Variants in NFIC observed in about 807,000 individuals in gnomAD.
NFIC encodes the protein nuclear factor 1 C-type.
A neutral mutation model predicts 54.4 loss-of-function variants in NFIC; 12 were observed. The ratio of observed to expected loss-of-function variants is 0.22; its 90% CI spans 0.14 to 0.36. The LOEUF (loss-of-function observed/expected upper bound fraction) is 0.36, where lower values mean the gene tolerates loss of function less well. Ranked by LOEUF, NFIC falls within the 10% of genes least tolerant of loss-of-function variation. NFIC has a pLI of 1.00. For missense variants in NFIC, 575 were observed against 718.2 expected (o/e 0.80, Z 2.28); for synonymous variants, 322 against 319.2 (o/e 1.01, Z -0.09).
intron 10 of NFIC, among the ~76,000 whole-genome samples, chr19:3,461,018 G>A (rs934526000): frequency 1.1e-4 from 16 of 151,996 alleles, no homozygotes; most frequent in African/African-American, 3.4e-4. Context: ...CTAGCTACTC[G>A]GGAGGCTGAG....
chr19:3,381,826 A>C lies in NFIC; in HGVS notation c.145A>C (p.Met49Leu), dbSNP rs139273924. The change falls in exon 2 of 11, where the codon ATG (methionine) becomes CTG (leucine). Residue 49 changes from methionine (M) to leucine (L), a missense_variant. Physicochemically the swap from Met to Leu is conservative, Grantham distance 15 (BLOSUM62 2). Coordinates refer to ENST00000443272, the MANE Select transcript of NFIC (RefSeq NM_001245002.2). ...GTACTTCAAGAAGCACGAGAAGCGGATGTCGAAGGACGAGGAGCGTGCGGT... is the reference window on the plus strand; with the variant it reads ...GTACTTCAAGAAGCACGAGAAGCGGCTGTCGAAGGACGAGGAGCGTGCGGT... ...RKYFKKHEKR[M>L]SKDEERAVKD... The C allele has an allele frequency of 3.1e-6, 5 of 1,613,914 alleles. No homozygotes were observed. Among genetic ancestry groups the C allele is most frequent in the East Asian group, 2.2e-5 (1 of 44,888 alleles).
rs1407094308 is a variant in NFIC at position 3,385,565 on chromosome 19, T to TTGC, written c.562+3324_562+3325insCTG. ...TTGGGTTTTTTGGGGGTTTTTTTGG[T>TTGC]TGTTGTTGTTTTTTTTTTTTTTTTT... On this transcript the variant is annotated intron_variant, in intron 2 of 10. Transcript: ENST00000443272. Among the ~76,000 whole-genome samples the TTGC allele has an allele frequency of 2.3e-3, 307 of 135,690 alleles. 12 individuals are homozygous for TTGC. The East Asian group carries it at 0.053, about 24-fold the overall frequency. 89.0% of individuals were successfully genotyped at this position (135,690 alleles called of 152,430 possible). A position where few individuals can be genotyped will look rare whatever the true frequency, so the allele number is the denominator to read the frequency against.
chr19:3,462,455 T>C (rs1200186818), intron 10 of NFIC, among the ~76,000 whole-genome samples: 3 of 152,200 alleles, frequency 2.0e-5, no homozygotes, highest in African/African-American at 7.2e-5. Flanking sequence ...GGTGTGTAAG[T>C]ATATCCCCAA....
At chr19:3,437,367 C>T (rs1049252439) in intron 6 of NFIC, among the ~76,000 whole-genome samples, 4 of 132,592 alleles carry the variant, frequency 3.0e-5, no homozygotes, top group African/African-American at 1.1e-4. Flanking sequence ...GACTCCGTCT[C>T]AAAAAAAAAA....
intron 9 of NFIC, 69 bp from the exon 10 acceptor site, chr19:3,456,481 T>C (rs1002612344): frequency 1.3e-6 from 2 of 1,484,360 alleles, no homozygotes; most frequent in Middle Eastern, 1.8e-4. Context: ...CCACCCTCTC[T>C]GGGGCCAGGG....
At chr19:3,417,107 G>A (rs181746344) in intron 2 of NFIC, among the ~76,000 whole-genome samples, 5,077 of 149,774 alleles carry the variant, frequency 0.034, 280 homozygotes, top group African/African-American at 0.12. Context: ...GGATGGTCTC[G>A]ATCTCCTGAC....
At chr19:3,429,678 GC>G (rs1158637095) in intron 3 of NFIC, among the ~76,000 whole-genome samples, 1 of 152,116 alleles carries the variant, frequency 6.6e-6, no homozygotes, top group Non-Finnish European at 1.5e-5. Flanking sequence ...AGTCCGTGCT[GC>G]CCCCTGGGGG....
chr19:3,380,756 C>T (rs947572783), intron 1 of NFIC, among the ~76,000 whole-genome samples: 31 of 151,836 alleles, frequency 2.0e-4, no homozygotes, highest in African/African-American at 7.5e-4. Context: ...CCCAGCCTCC[C>T]AACTAGCTGG....
rs911196302 is a variant in NFIC, at chr19:3,369,592, G to A, written c.30+2926G>A. Reference sequence around the variant, plus strand: ...CGCCGAGTGGGGAGTGGGTGCTGGCGGCCCTGGGGCATTCTGGGAGCCCCG... The same window carrying A: ...CGCCGAGTGGGGAGTGGGTGCTGGCAGCCCTGGGGCATTCTGGGAGCCCCG... On this transcript the variant is annotated intron_variant, in intron 1 of 10. Transcript: ENST00000443272. The surrounding 1 kb of genome is among the most constrained non-coding windows in gnomAD (Gnocchi z 4.3). Among the ~76,000 whole-genome samples the A allele has an allele frequency of 5.9e-5, 9 of 152,182 alleles. No homozygotes were observed. The highest frequency in any genetic ancestry group is 3.9e-4 in the Admixed American group (6 of 15,286).
Position 3,464,265 on chromosome 19 carries a change from CG to C in NFIC, c.*1500del. On this transcript the variant is annotated 3_prime_UTR_variant, in exon 11 of 11. Transcript: ENST00000443272. ...CGACGCCAGCGGTCCCCGCTCGGAA[CG>C]GGGAGGGTTTTCGGGGGGTTCGGCG... 1.0e-6 allele frequency: 1 copy of C among 985,380 alleles called. No individual in the cohort carries two copies. Among genetic ancestry groups the C allele is most frequent in the Non-Finnish European group, 1.2e-6 (1 of 829,908 alleles). 61.0% of individuals were successfully genotyped at this position (985,380 alleles called of 1,614,324 possible).
chr19:3,457,858 AAG>A (rs1332260632), intron 10 of NFIC: 28 of 152,364 alleles, frequency 1.8e-4, no homozygotes, highest in Non-Finnish European at 2.6e-4. Flanking sequence ...GGATGCCTGT[AAG>A]CGGCCCCTCC....
chr19:3,362,823 C>A (rs2080827437), upstream of NFIC, among the ~76,000 whole-genome samples: 3 of 152,126 alleles, frequency 2.0e-5, no homozygotes, highest in Admixed American at 1.3e-4. Flanking sequence ...GCTGACTGCA[C>A]ACTGCACTGC....
chr19:3,414,379 G>A (rs909920113), intron 2 of NFIC, among the ~76,000 whole-genome samples: 3 of 151,978 alleles, frequency 2.0e-5, no homozygotes, highest in Non-Finnish European at 4.4e-5. Flanking sequence ...GACGGATCAC[G>A]AGGTCAAGAG....
chr19:3,372,077 G>C (rs2081030711), intron 1 of NFIC, among the ~76,000 whole-genome samples: 1 of 142,210 alleles, frequency 7.0e-6, no homozygotes, highest in South Asian at 2.4e-4. Context: ...CTGGAGTGCA[G>C]TGGCGTGATC....
rs1364310888 is a variant in NFIC, at chr19:3,375,190, G to A, written c.31-6522G>A. On this transcript the variant is annotated intron_variant, in intron 1 of 10. Transcript: ENST00000443272. The surrounding 1 kb of genome is among the most constrained non-coding windows in gnomAD (Gnocchi z 4.6). The stretch of plus-strand genomic sequence containing the variant: ...GACAGTGATCCCTGCCCCCATCATG[G>A]ATGCCTCCCCTGTCCCTTCCAGCAG... Among the ~76,000 whole-genome samples the A allele has an allele frequency of 6.6e-6, 1 of 152,070 alleles. No individual in the cohort carries two copies. The highest frequency in any genetic ancestry group is 1.5e-5 in the Non-Finnish European group (1 of 67,998).
intron 6 of NFIC, among the ~76,000 whole-genome samples, chr19:3,442,152 G>A (rs1402909775): frequency 6.6e-6 from 1 of 152,168 alleles, no homozygotes; most frequent in South Asian, 2.1e-4. Flanking sequence ...TTGGGGCCTG[G>A]GCCAGGCCCT....
chr19:3,446,106 T>A (rs2082370255), intron 6 of NFIC, among the ~76,000 whole-genome samples: 4 of 152,090 alleles, frequency 2.6e-5, no homozygotes, highest in African/African-American at 9.7e-5. Flanking sequence ...AAATATTGAG[T>A]TACGTCACTG....
intron 2 of NFIC, among the ~76,000 whole-genome samples, chr19:3,388,356 G>A (rs1015313409): frequency 2.3e-4 from 35 of 152,084 alleles, no homozygotes; most frequent in Admixed American, 1.4e-3. Context: ...CGAGGCCACC[G>A]CTCACCCTAA....
intron 1 of NFIC, among the ~76,000 whole-genome samples, chr19:3,379,304 C>T (rs1415597982): frequency 2.0e-5 from 3 of 151,918 alleles, no homozygotes; most frequent in East Asian, 3.9e-4. Context: ...TTGATCTGCC[C>T]GCCTCGGTCT....
Sources: gnomAD v4.1 joint callset for allele counts (sites outside exome capture counted in the v4.1 genomes callset) on GRCh38, gnomAD v4.1.1 for gene constraint, Gnocchi (gnomAD v3.1) non-coding constraint, MANE v1.5 for transcripts, NCBI Gene and HGNC (gene_info 2026-07-23, HGNC 2026-07-21) for gene names.